Variants in SLC22A3 observed in about 807,000 individuals in gnomAD.
SLC22A3 encodes EMT organic cation transporter 3.
SLC22A3 carries 51 observed loss-of-function variants against 59.1 expected under a neutral mutation model. The observed-to-expected ratio is 0.86, with a 90% CI of 0.69 to 1.09. The LOEUF is 1.09. SLC22A3 is among the 50% of genes least tolerant of loss of function. The probability of loss-of-function intolerance (pLI) is 0.00; values close to 1 mark genes in which losing one functional copy is unlikely to be tolerated. For missense variants in SLC22A3, 711 were observed against 726.3 expected (o/e 0.98, Z 0.24); for synonymous variants, 325 against 292.0 (o/e 1.11, Z -1.15).
chr6:160,389,473 G>A (rs1424521260), intron 1 of SLC22A3, among the ~76,000 whole-genome samples: 1 of 152,170 alleles, frequency 6.6e-6, no homozygotes. Flanking sequence ...ACAGTGGGGA[G>A]GGTAATTCTC....
intron 1 of SLC22A3, among the ~76,000 whole-genome samples, chr6:160,353,945 C>G (rs1238132417): frequency 6.6e-6 from 1 of 152,150 alleles, no homozygotes; most frequent in African/African-American, 2.4e-5. Flanking sequence ...CAAATCTTAT[C>G]AGATGAAATG....
Position 160,348,669 on chromosome 6 carries a change from C to T in SLC22A3, c.250C>T (p.Pro84Ser), listed in dbSNP as rs1410727652. 2.7e-6 allele frequency: 4 copies of T among 1,507,176 alleles called. No individual in the cohort carries two copies. Among genetic ancestry groups the T allele is most frequent in the African/African-American group, 1.4e-5 (1 of 69,056 alleles). 93.4% of individuals were successfully genotyped at this position (1,507,176 alleles called of 1,614,324 possible). The change falls in exon 1 of 11, where the codon CCC (proline) becomes TCC (serine). Residue 84 changes from proline to serine, a missense_variant. By Grantham distance (74) the Pro-to-Ser change is moderately conservative (BLOSUM62 -1). Coordinates refer to ENST00000275300, the MANE Select transcript of SLC22A3 (RefSeq NM_021977.4). ...GCCCGCCTCCCGCGGCCCAGAGCCCCCCGAGCGCCGCGGCCGCTGCCAGCG... is the reference window on the plus strand; with the variant it reads ...GCCCGCCTCCCGCGGCCCAGAGCCCTCCGAGCGCCGCGGCCGCTGCCAGCG... ...TAPASRGPEP[P>S]ERRGRCQRYL... is the part of the protein sequence containing the mutation.
chr6:160,394,411 T>A (rs935874232), intron 1 of SLC22A3, among the ~76,000 whole-genome samples: 1 of 150,622 alleles, frequency 6.6e-6, no homozygotes, highest in Admixed American at 6.6e-5. Context: ...CCAGAGCTGT[T>A]GCATCAGCAG....
intron 7 of SLC22A3, among the ~76,000 whole-genome samples, chr6:160,441,681 T>C (rs1415896652): frequency 6.6e-6 from 1 of 151,914 alleles, no homozygotes; most frequent in African/African-American, 2.4e-5. Context: ...ATTCTCTTCT[T>C]TCATCCTCCT....
intron 5 of SLC22A3, among the ~76,000 whole-genome samples, 188 bp from the exon 6 acceptor site, chr6:160,436,592 C>T (rs1383959456): frequency 2.6e-5 from 4 of 152,144 alleles, no homozygotes; most frequent in Non-Finnish European, 5.9e-5. Flanking sequence ...TGCAGCAATC[C>T]TATCTTTGTG....
chr6:160,435,687 G>C (rs1262457394), intron 5 of SLC22A3, among the ~76,000 whole-genome samples: 1 of 152,172 alleles, frequency 6.6e-6, no homozygotes, highest in Non-Finnish European at 1.5e-5. Flanking sequence ...GGGAAAATGT[G>C]CCTAGATTTT....
chr6:160,387,002 C>G (rs1254612730), intron 1 of SLC22A3, among the ~76,000 whole-genome samples: 2 of 152,330 alleles, frequency 1.3e-5, no homozygotes, highest in East Asian at 1.9e-4. Flanking sequence ...CCTCCTCCAG[C>G]AGGGTACAAC....
chr6:160,391,223 C>A (rs1194754596), intron 1 of SLC22A3, among the ~76,000 whole-genome samples: 1 of 152,126 alleles, frequency 6.6e-6, no homozygotes, highest in Non-Finnish European at 1.5e-5. Context: ...ATAAAATACG[C>A]TGAAATTAAC....
intron 1 of SLC22A3, among the ~76,000 whole-genome samples, chr6:160,375,970 G>A (rs1166032155): frequency 6.6e-6 from 1 of 152,080 alleles, no homozygotes; most frequent in Non-Finnish European, 1.5e-5. Flanking sequence ...TAATAATCAT[G>A]TCTACCTCAC....
chr6:160,426,015 C>T (rs964110519), intron 5 of SLC22A3: 8 of 985,252 alleles, frequency 8.1e-6, no homozygotes, highest in Admixed American at 6.2e-5. Context: ...GCACAAAGGA[C>T]GTACCAGTGA....
rs905966784 is a variant in SLC22A3, at chr6:160,348,587, C to T, written c.168C>T (p.Ala56=). 3.3e-6 allele frequency: 5 copies of T among 1,523,928 alleles called. No individual in the cohort carries two copies. Among genetic ancestry groups the T allele is most frequent in the Non-Finnish European group, 4.4e-6 (5 of 1,144,896 alleles). The allele number at this position is 1,523,928 out of a possible 1,614,324, so 94.4% of individuals were successfully genotyped here. ...ACTACTGGTGCCGCGGGCCAAGTGCCGCGGCGCTGGCCGAGCGCTGCGGCT... is the reference window on the plus strand; with the variant it reads ...ACTACTGGTGCCGCGGGCCAAGTGCTGCGGCGCTGGCCGAGCGCTGCGGCT... ...PDHYWCRGPS[A]AALAERCGWS... Residue 56 remains alanine (A), a synonymous_variant, in exon 1 of 11, where the codon GCC becomes GCT. Transcript: ENST00000275300.
chr6:160,379,723 G>A (rs1785726709), intron 1 of SLC22A3, among the ~76,000 whole-genome samples: 2 of 152,140 alleles, frequency 1.3e-5, no homozygotes, highest in African/African-American at 2.4e-5. Flanking sequence ...TTCTTGCCAT[G>A]TTTTTCTGAT....
At chr6:160,356,346 C>T (rs1784840228) in intron 1 of SLC22A3, among the ~76,000 whole-genome samples, 1 of 152,144 alleles carries the variant, frequency 6.6e-6, no homozygotes, top group Non-Finnish European at 1.5e-5. Context: ...GGGTCTGTGT[C>T]CGCAGAATCC....
At chr6:160,361,004 T>G (rs756929201) in intron 1 of SLC22A3, among the ~76,000 whole-genome samples, 2 of 152,092 alleles carry the variant, frequency 1.3e-5, no homozygotes, top group Non-Finnish European at 2.9e-5. Flanking sequence ...GAAATTAAAG[T>G]GAAATTCCAA....
chr6:160,378,360 G>T (rs897140943), intron 1 of SLC22A3, among the ~76,000 whole-genome samples: 1 of 152,190 alleles, frequency 6.6e-6, no homozygotes, highest in Non-Finnish European at 1.5e-5. Flanking sequence ...CAGGTCAGCT[G>T]TCTATGTCAT....
At chr6:160,410,618 C>T in intron 4 of SLC22A3, 111 bp from the exon 5 acceptor site, 1 of 758,276 alleles carries the variant, frequency 1.3e-6, no homozygotes, top group Non-Finnish European at 2.4e-6. Flanking sequence ...CTTATTGACT[C>T]CTAAATGTAT....
rs1358954773 is a variant in SLC22A3 at position 160,452,452 on chromosome 6, TCA to T, written c.*1399_*1400del. ...ATTTGAGACTACATTCACCCTTTAT[TCA>T]CAGTCACTTGCAGTTTTGCTTTTCT... On this transcript the variant is annotated 3_prime_UTR_variant, in exon 11 of 11. Transcript: ENST00000275300. The T allele has an allele frequency of 3.3e-5, 5 of 152,360 alleles. No homozygotes were observed. The East Asian group carries it at 5.8e-4, about 18-fold the overall frequency. 9.4% of individuals were successfully genotyped at this position (152,360 alleles called of 1,614,324 possible).
chr6:160,410,867 T>G, intron 5 of SLC22A3, 21 bp downstream of exon 5: 5 of 1,391,974 alleles, frequency 3.6e-6, no homozygotes, highest in Non-Finnish European at 5.1e-6. Flanking sequence ...TCAGTATGAG[T>G]AACAAATATT....
chr6:160,439,961 G>A (rs1053253640), intron 7 of SLC22A3, among the ~76,000 whole-genome samples: 1 of 152,152 alleles, frequency 6.6e-6, no homozygotes, highest in Non-Finnish European at 1.5e-5. Flanking sequence ...GTAGTAGGTC[G>A]CCAGCCCCTG....
Sources: allele counts gnomAD v4.1 joint callset (sites outside exome capture counted in the v4.1 genomes callset), GRCh38; gene constraint gnomAD v4.1.1; transcripts MANE v1.5; gene names NCBI Gene and HGNC (gene_info 2026-07-23, HGNC 2026-07-21).